KANK4: variants seen among roughly 807,000 people sequenced by gnomAD.
KANK4 encodes KN motif and ankyrin repeat domains 4, also known as KN motif and ankyrin repeat domain-containing protein 4.
KANK4 carries 50 observed loss-of-function variants against 80.8 expected under a neutral mutation model. The ratio of observed to expected loss-of-function variants is 0.62; its 90% CI spans 0.49 to 0.78. The LOEUF is 0.78. Among genes scored for constraint, KANK4 ranks in the 30% least tolerant of loss-of-function variants. The pLI is 0.00. For missense variants in KANK4, 1,196 were observed against 1,240.1 expected (o/e 0.96, Z 0.53); for synonymous variants, 465 against 506.9 (o/e 0.92, Z 1.11).
chr1:62,274,528 G>A lies in KANK4; in HGVS notation c.576C>T (p.Pro192=), dbSNP rs765866201. 1.9e-6 allele frequency: 3 copies of A among 1,614,050 alleles called. No individual in the cohort carries two copies. The highest frequency in any genetic ancestry group is 1.7e-5 in the Admixed American group (1 of 60,014). The change falls in exon 3 of 10, where the codon CCC becomes CCT. Residue 192 remains proline (P), a synonymous_variant. Transcript: ENST00000371153. ...LGPPAPPALP[P]LQGEGSVCDG... ...CACAGACACTGCCTTCACCCTGAAGGGGAGGGAGGGCAGGAGGGGCAGGGG... is the reference window on the plus strand; with the variant it reads ...CACAGACACTGCCTTCACCCTGAAGAGGAGGGAGGGCAGGAGGGGCAGGGG...
rs1158013847 is a variant in KANK4 at position 62,266,795 on chromosome 1, A to G, written c.2256T>C (p.Leu752=). 6.2e-7 allele frequency: 1 copy of G among 1,611,480 alleles called. No homozygotes were observed. Among genetic ancestry groups the G allele is most frequent in the Admixed American group, 1.7e-5 (1 of 60,012 alleles). ...AERYKPSEEF[L]NACRALSQHL... ...GCTGGCTCAGTGCCCGGCATGCATT[A>G]AGAAATTCTTCTGAGGGTTTATATC... Residue 752 remains leucine (L), a synonymous_variant, in exon 6 of 10, where the codon CTT becomes CTC. Coordinates refer to ENST00000371153, the MANE Select transcript of KANK4 (RefSeq NM_181712.5).
At chr1:62,268,653 C>T (rs896791836) in intron 4 of KANK4, 148 bp from the exon 5 acceptor site, 2 of 677,908 alleles carry the variant, frequency 3.0e-6, no homozygotes, top group Non-Finnish European at 5.2e-6. Context: ...GGGTGACAGG[C>T]TCCCAGGAAT....
chr1:62,307,789 T>C (rs1644465155), intron 1 of KANK4, among the ~76,000 whole-genome samples: 1 of 151,800 alleles, frequency 6.6e-6, no homozygotes, highest in Non-Finnish European at 1.5e-5. Context: ...AAGCTAGACA[T>C]GTAGATTTAT....
At chr1:62,303,774 T>C (rs1644430569) in intron 1 of KANK4, among the ~76,000 whole-genome samples, 1 of 152,124 alleles carries the variant, frequency 6.6e-6, no homozygotes, top group South Asian at 2.1e-4. Flanking sequence ...TTTGGATATA[T>C]TGGGTTAAAT....
chr1:62,302,086 A>G (rs1011317595), intron 1 of KANK4, among the ~76,000 whole-genome samples: 3 of 152,042 alleles, frequency 2.0e-5, no homozygotes, highest in Non-Finnish European at 4.4e-5. Flanking sequence ...GATGCTGTGG[A>G]ACTTGAAGAC....
chr1:62,283,224 T>C (rs1199938557), intron 1 of KANK4, among the ~76,000 whole-genome samples: 1 of 152,152 alleles, frequency 6.6e-6, no homozygotes, highest in Non-Finnish European at 1.5e-5. Flanking sequence ...CATCGCAGCC[T>C]CTCCTGCTCC....
rs1156558837 is a variant in KANK4, at chr1:62,275,088, C to T, written c.17-1G>A. On this transcript the variant is annotated splice_acceptor_variant, in intron 2 of 9. Transcript: ENST00000371153. LOFTEE classifies it high-confidence loss of function. ...TCCCCCTGAGAGGACTGGTCTTTGG[C>T]TGGGAGACATAAGACAAGTTAAAAA... 2 of 1,584,726 alleles carry T rather than the reference C, an allele frequency of 1.3e-6. No homozygotes were observed. The highest frequency in any genetic ancestry group is 1.4e-5 in the African/African-American group (1 of 73,152).
In KANK4 at chr1:62,274,631, T is replaced by C. The variant is rs1241347410; in HGVS notation, c.473A>G (p.Gln158Arg). The C allele has an allele frequency of 1.2e-6, 2 of 1,614,160 alleles. No homozygotes were observed. The highest frequency in any genetic ancestry group is 1.7e-6 in the Non-Finnish European group (2 of 1,180,018). Reference protein sequence around the residue: ...AELTFGSGRPQLLRASSMPAT... With the variant: ...AELTFGSGRPRLLRASSMPAT... ...AGGCATGCTGGATGCTCTCAAGAGCTGGGGCCGTCCACTCCCAAAAGTGAG... is the reference window on the plus strand; with the variant it reads ...AGGCATGCTGGATGCTCTCAAGAGCCGGGGCCGTCCACTCCCAAAAGTGAG... The change falls in exon 3 of 10, where the codon CAG (glutamine) becomes CGG (arginine). Residue 158 changes from glutamine to arginine, a missense_variant. This residue lies in a region of KANK4 where 1,154 missense variants were observed against 1,179.6 expected (regional missense o/e 0.98). Transcript: ENST00000371153.
chr1:62,281,611 A>G lies in KANK4; in HGVS notation c.-47T>C, dbSNP rs969464681. The stretch of plus-strand genomic sequence containing the variant: ...TGTCTCAGGCACTCTTCATCCAATG[A>G]GTCTGTAAAACTTGTTGAAGGTTCT... On this transcript the variant is annotated 5_prime_UTR_variant, in exon 2 of 10. Transcript: ENST00000371153. 7 of 1,611,930 alleles carry G rather than the reference A, an allele frequency of 4.3e-6. No individual in the cohort carries two copies. Among genetic ancestry groups the G allele is most frequent in the Admixed American group, 3.3e-5 (2 of 60,012 alleles).
chr1:62,260,938 C>T (rs1342570744), intron 7 of KANK4, among the ~76,000 whole-genome samples: 2 of 152,152 alleles, frequency 1.3e-5, no homozygotes, highest in Non-Finnish European at 2.9e-5. Flanking sequence ...AGCTCTGTTG[C>T]CCTTTCATTT....
chr1:62,282,806 T>G (rs939228775), intron 1 of KANK4, among the ~76,000 whole-genome samples: 2 of 152,200 alleles, frequency 1.3e-5, no homozygotes, highest in Non-Finnish European at 2.9e-5. Flanking sequence ...AGGGCAGGCA[T>G]GTTTTCTAGA....
chr1:62,311,262 GTT>G (rs1398848548), intron 1 of KANK4, among the ~76,000 whole-genome samples: 1 of 144,436 alleles, frequency 6.9e-6, no homozygotes, highest in East Asian at 2.0e-4. Context: ...TAGAGCAAGT[GTT>G]TAACCTCTTA....
At chr1:62,313,871 A>C (rs1644517886) in intron 1 of KANK4, among the ~76,000 whole-genome samples, 1 of 142,690 alleles carries the variant, frequency 7.0e-6, no homozygotes, top group African/African-American at 2.7e-5. Context: ...TAAAATAATA[A>C]ATTTTTTTTT....
At chr1:62,308,029 ATC>A in intron 1 of KANK4, among the ~76,000 whole-genome samples, 1 of 152,006 alleles carries the variant, frequency 6.6e-6, no homozygotes, top group Non-Finnish European at 1.5e-5. Flanking sequence ...CTCACCCCGT[ATC>A]CACCCTGTAG....
intron 1 of KANK4, among the ~76,000 whole-genome samples, chr1:62,284,379 T>C (rs4915810): frequency 0.42 from 63,490 of 152,088 alleles, 14,124 homozygotes; most frequent in South Asian, 0.52. Context: ...CCATTTCTTT[T>C]GATCTCAGCT....
At chr1:62,267,551 C>T (rs1050263792) in intron 5 of KANK4, among the ~76,000 whole-genome samples, 2 of 152,174 alleles carry the variant, frequency 1.3e-5, no homozygotes, top group African/African-American at 4.8e-5. Context: ...CCTATAATCC[C>T]AGCACTTTGG....
intron 7 of KANK4, among the ~76,000 whole-genome samples, chr1:62,262,244 G>A (rs1420554345): frequency 6.6e-6 from 1 of 152,198 alleles, no homozygotes; most frequent in Non-Finnish European, 1.5e-5. Flanking sequence ...GACCAGCGCT[G>A]TAACTTGAGC....
chr1:62,253,122 A>G lies in KANK4; in HGVS notation c.2627T>C (p.Met876Thr). Reference sequence around the variant, plus strand: ...TCTTAAGAGCTTCCAGACAACAGCCATGTCTTCATTGGTCTCTGCGGAAGC... The same window carrying G: ...TCTTAAGAGCTTCCAGACAACAGCCGTGTCTTCATTGGTCTCTGCGGAAGC... ...PLASAETNED[M>T]AVVWKLLREG... is the part of the protein sequence containing the mutation. Residue 876 changes from methionine to threonine, a missense_variant, in exon 8 of 10, where the codon ATG becomes ACG. Around this residue, in one of 3 missense-constraint regions of KANK4, gnomAD observed 1,154 missense variants for 1,179.6 expected, o/e 0.98. Coordinates refer to ENST00000371153, the MANE Select transcript of KANK4 (RefSeq NM_181712.5). 1 of 1,614,044 alleles carries G rather than the reference A, an allele frequency of 6.2e-7. No homozygotes were observed. The highest frequency in any genetic ancestry group is 8.5e-7 in the Non-Finnish European group (1 of 1,179,962).
Position 62,274,256 on chromosome 1 carries a change from G to A in KANK4, c.848C>T (p.Thr283Met), listed in dbSNP as rs145136584. ...AEVLFTPGSP[T>M]PSPPPLPSPI... ...TGATGGCAGAGGTGGCGGGCTTGGC[G>A]TAGGGGAGCCAGGGGTGAACAACAC... The change falls in exon 3 of 10, where the codon ACG becomes ATG. Residue 283 changes from threonine (T) to methionine (M), a missense_variant. Physicochemically the swap from Thr to Met is moderately conservative, Grantham distance 81. This residue lies in a region of KANK4 where 1,154 missense variants were observed against 1,179.6 expected (regional missense o/e 0.98). Transcript: ENST00000371153. The A allele has an allele frequency of 2.7e-4, 436 of 1,613,992 alleles. 2 individuals carry two copies. The highest frequency in any genetic ancestry group is 1.8e-4 in the Admixed American group (11 of 59,996).
Sources: allele counts gnomAD v4.1 joint callset (sites outside exome capture counted in the v4.1 genomes callset), GRCh38; gene constraint gnomAD v4.1.1; regional missense constraint gnomAD v4.1.1; transcripts MANE v1.5; gene names NCBI Gene and HGNC (gene_info 2026-07-23, HGNC 2026-07-21).